SP100: variants seen among roughly 807,000 people sequenced by gnomAD.
The protein encoded by SP100 is nuclear autoantigen Sp-100.
SP100 carries 84 observed loss-of-function variants against 130.0 expected under a neutral mutation model. The ratio of observed to expected loss-of-function variants is 0.65; its 90% CI spans 0.54 to 0.77. The LOEUF (loss-of-function observed/expected upper bound fraction) is 0.77, where lower values mean the gene tolerates loss of function less well. Among genes scored for constraint, SP100 ranks in the 30% least tolerant of loss-of-function variants. The probability of loss-of-function intolerance (pLI) is 0.00; values close to 1 mark genes in which losing one functional copy is unlikely to be tolerated. For synonymous variants in SP100, 331 were observed against 351.7 expected, an observed-to-expected ratio of 0.94 and a Z score of 0.66; for missense variants, 978 against 1,052.2, an observed-to-expected ratio of 0.93 and a Z score of 0.97.
intron 23 of SP100, chr2:230,508,290 G>T (rs1690276046): frequency 2.1e-4 from 55 of 263,368 alleles, no homozygotes; most frequent in Non-Finnish European, 2.7e-4. Flanking sequence ...GTGTTTTTTA[G>T]TAAAGGAGCT....
chr2:230,519,344 C>T (rs1006738497), intron 24 of SP100, among the ~76,000 whole-genome samples: 3 of 152,182 alleles, frequency 2.0e-5, no homozygotes, highest in African/African-American at 7.2e-5. Context: ...AATAACTCAT[C>T]GGTGTCATTC....
chr2:230,432,543 C>A (rs1575597184), intron 2 of SP100, among the ~76,000 whole-genome samples: 1 of 152,134 alleles, frequency 6.6e-6, no homozygotes, highest in African/African-American at 2.4e-5. Context: ...TCTTTGTAGT[C>A]ATTCCAGTGA....
intron 17 of SP100, among the ~76,000 whole-genome samples, chr2:230,484,125 A>G (rs1298211588): frequency 6.6e-6 from 1 of 152,218 alleles, no homozygotes; most frequent in Non-Finnish European, 1.5e-5. Flanking sequence ...GAAATTACCA[A>G]CAAAAAGCAC....
intron 2 of SP100, among the ~76,000 whole-genome samples, chr2:230,442,407 G>A (rs1046041897): frequency 6.6e-6 from 1 of 151,870 alleles, no homozygotes; most frequent in Non-Finnish European, 1.5e-5. Flanking sequence ...TCAATAATGT[G>A]GTCTCATTAT....
At chr2:230,473,098 G>GA (rs2065356369) in intron 15 of SP100, 1 of 408,366 alleles carries the variant, frequency 2.4e-6, no homozygotes, top group East Asian at 4.2e-5. Flanking sequence ...CTTCATCACT[G>GA]AAACAAACTA....
chr2:230,501,451 CT>C (rs1423122411), intron 19 of SP100, among the ~76,000 whole-genome samples: 1 of 152,122 alleles, frequency 6.6e-6, no homozygotes. Flanking sequence ...CAGTAAATGT[CT>C]GATGGTACCA....
chr2:230,489,688 T>C (rs1175271921), intron 17 of SP100, among the ~76,000 whole-genome samples: 2 of 152,212 alleles, frequency 1.3e-5, no homozygotes, highest in Non-Finnish European at 2.9e-5. Flanking sequence ...GCTTTAGCTG[T>C]GTCCCAGAGA....
At chr2:230,439,092 C>T (rs913109327) in intron 2 of SP100, among the ~76,000 whole-genome samples, 8 of 151,990 alleles carry the variant, frequency 5.3e-5, no homozygotes, top group Admixed American at 4.6e-4. Context: ...TTTGCATTTC[C>T]CTGATAATTA....
chr2:230,486,029 C>CA (rs1460094685), intron 17 of SP100, among the ~76,000 whole-genome samples: 2 of 151,800 alleles, frequency 1.3e-5, no homozygotes, highest in Non-Finnish European at 2.9e-5. Flanking sequence ...AGTCCATTCT[C>CA]ACACTGTTGT....
At chr2:230,486,356 A>G (rs1281760425) in intron 17 of SP100, among the ~76,000 whole-genome samples, 1 of 151,908 alleles carries the variant, frequency 6.6e-6, no homozygotes, top group Non-Finnish European at 1.5e-5. Flanking sequence ...AACAGGCCCT[A>G]TGTGTTCCCC....
chr2:230,450,308 A>G (rs2149925810), intron 8 of SP100, 53 bp downstream of exon 8: 1 of 1,395,224 alleles, frequency 7.2e-7, no homozygotes, highest in Admixed American at 1.8e-5. Context: ...CAGATGCTAT[A>G]CATTTGGTTG....
At position 230,543,949 on chromosome 2, in the gene SP100, A is replaced by G. The variant is rs776032681; in HGVS notation, c.*1003A>G. 1.4e-4 allele frequency: 21 copies of G among 152,292 alleles called. No individual in the cohort carries two copies. Among genetic ancestry groups the G allele is most frequent in the Non-Finnish European group, 2.4e-4 (16 of 68,026 alleles). The allele number at this position is 152,292 out of a possible 1,614,324, so 9.4% of individuals were successfully genotyped here. A position where few individuals can be genotyped will look rare whatever the true frequency, so the allele number is the denominator to read the frequency against. ...GTAACCAAAACAGCATGGTACTGGT[A>G]CCAAAAAAAAAGCCACATAGACCAA... On this transcript the variant is annotated 3_prime_UTR_variant, in exon 29 of 29. Coordinates refer to ENST00000340126, the MANE Select transcript of SP100 (RefSeq NM_001080391.2).
chr2:230,495,146 G>A (rs2066595714), intron 18 of SP100, among the ~76,000 whole-genome samples: 1 of 152,168 alleles, frequency 6.6e-6, no homozygotes, highest in South Asian at 2.1e-4. Context: ...GCAGAGACAT[G>A]CCAGCCTTGA....
intron 18 of SP100, among the ~76,000 whole-genome samples, chr2:230,497,992 C>T (rs1352279280): frequency 6.6e-6 from 1 of 152,214 alleles, no homozygotes; most frequent in East Asian, 1.9e-4. Flanking sequence ...TTTCTGCCTA[C>T]AACCAGAGGA....
At chr2:230,438,594 C>T (rs540138075) in intron 2 of SP100, among the ~76,000 whole-genome samples, 3 of 149,814 alleles carry the variant, frequency 2.0e-5, no homozygotes, top group South Asian at 2.1e-4. Flanking sequence ...ATGCTGAGAA[C>T]GCCATTATTG....
Position 230,498,459 on chromosome 2 carries a change from A to G in SP100, c.1646-2A>G, listed in dbSNP as rs754170703. On this transcript the variant is annotated splice_acceptor_variant, in intron 18 of 28. Transcript: ENST00000340126. LOFTEE classifies it high-confidence loss of function. ...CATATTTATATTTTCCTATTTTCTC[A>G]GGGAGAAAGAAAGACAGACCTAGAA... 6 of 1,489,876 alleles carry G rather than the reference A, an allele frequency of 4.0e-6. No homozygotes were observed. The highest frequency in any genetic ancestry group is 4.5e-6 in the Non-Finnish European group (5 of 1,119,500). The allele number at this position is 1,489,876 out of a possible 1,614,324, so 92.3% of individuals were successfully genotyped here.
At chr2:230,426,940 C>G (rs2062949485) in intron 2 of SP100, among the ~76,000 whole-genome samples, 1 of 151,934 alleles carries the variant, frequency 6.6e-6, no homozygotes, top group African/African-American at 2.4e-5. Context: ...GTGCTGTATG[C>G]AAAAATATTT....
intron 25 of SP100, 51 bp downstream of exon 25, chr2:230,539,433 T>C (rs551042553): frequency 1.6e-6 from 2 of 1,261,226 alleles, no homozygotes. Context: ...GTGGTACAGC[T>C]CCTCCTGCCA....
intron 3 of SP100, among the ~76,000 whole-genome samples, 189 bp downstream of exon 3, chr2:230,443,288 G>A (rs994218063): frequency 1.3e-5 from 2 of 152,154 alleles, no homozygotes; most frequent in African/African-American, 2.4e-5. Flanking sequence ...AGAGGTCGCC[G>A]GAGATGGTCC....
Sources: allele counts gnomAD v4.1 joint callset (sites outside exome capture counted in the v4.1 genomes callset), GRCh38; gene constraint gnomAD v4.1.1; transcripts MANE v1.5; gene names NCBI Gene and HGNC (gene_info 2026-07-23, HGNC 2026-07-21).